Variants in PLCL2 observed in about 807,000 individuals in gnomAD.
The protein encoded by PLCL2 is phospholipase C like 2.
In PLCL2, 4 loss-of-function variants were observed where a neutral mutation model predicts 79.6. That is an observed-to-expected ratio of 0.05 (90% CI 0.02 to 0.11). The LOEUF is 0.11. Among genes scored for constraint, PLCL2 ranks in the 10% least tolerant of loss-of-function variants. The pLI is 1.00. For synonymous variants in PLCL2, 484 were observed against 457.7 expected (o/e 1.06, Z -0.73); for missense variants, 895 against 1,291.0 (o/e 0.69, Z 4.70).
In PLCL2 at chr3:17,023,021, G is replaced by A. The variant is rs116670634; in HGVS notation, c.3018+8110G>A. ...AAAGTGGCCAGTGGTTGCTTGGAGA[G>A]GGTGTGGTTGCAAACCCTTCTTTTT... is the stretch of plus-strand genomic sequence containing the variant. On this transcript the variant is annotated intron_variant, in intron 3 of 5. Coordinates refer to ENST00000615277, the MANE Select transcript of PLCL2 (RefSeq NM_001144382.2). Among the ~76,000 whole-genome samples, 903 of 152,250 alleles carry A rather than the reference G, an allele frequency of 5.9e-3. 12 individuals are homozygous for A. The highest frequency in any genetic ancestry group is 0.021 in the African/African-American group (864 of 41,526).
intron 1 of PLCL2, among the ~76,000 whole-genome samples, chr3:16,939,052 A>G (rs1697612359): frequency 1.3e-5 from 2 of 152,216 alleles, no homozygotes. Flanking sequence ...CTGTGAATCC[A>G]TGCTGTATGT....
chr3:16,892,424 G>T (rs186443470), intron 1 of PLCL2, among the ~76,000 whole-genome samples: 5 of 117,808 alleles, frequency 4.2e-5, no homozygotes, highest in African/African-American at 1.5e-4. Context: ...ATTATTGTTT[G>T]CTAAGGGATT....
In PLCL2 at chr3:16,892,681, A is replaced by G. The variant is rs373625791; in HGVS notation, c.327+7315A>G. On this transcript the variant is annotated intron_variant, in intron 1 of 5. Transcript: ENST00000615277. The stretch of plus-strand genomic sequence containing the variant: ...TCAGCATGTTTTGTCATGTAATGGT[A>G]GAAATTCTGCCCTTTGTTGCAGTGC... Among the ~76,000 whole-genome samples, 9 of 152,356 alleles carry G rather than the reference A, an allele frequency of 5.9e-5. 1 individual carries two copies. The highest frequency in any genetic ancestry group is 6.5e-5 in the Admixed American group (1 of 15,306).
chr3:17,064,901 C>A (rs185318079), intron 4 of PLCL2, among the ~76,000 whole-genome samples: 45 of 148,622 alleles, frequency 3.0e-4, no homozygotes, highest in Non-Finnish European at 5.0e-4. Context: ...TGCACCCTCA[C>A]CTGGGCAGCA....
At chr3:17,004,377 A>G (rs900239456) in intron 1 of PLCL2, among the ~76,000 whole-genome samples, 6 of 152,166 alleles carry the variant, frequency 3.9e-5, no homozygotes, top group African/African-American at 1.4e-4. Flanking sequence ...TTTGGAATAC[A>G]GAATACTGTA....
At chr3:16,994,899 C>T (rs555973172) in intron 1 of PLCL2, among the ~76,000 whole-genome samples, 4 of 152,200 alleles carry the variant, frequency 2.6e-5, no homozygotes, top group Admixed American at 6.5e-5. Context: ...ATACAGGCAT[C>T]GTGATGAGAT....
chr3:16,959,363 T>A (rs927449864), intron 1 of PLCL2, among the ~76,000 whole-genome samples: 1 of 152,232 alleles, frequency 6.6e-6, no homozygotes, highest in Non-Finnish European at 1.5e-5. Flanking sequence ...ATCTTTATTT[T>A]ACGAAATTCA....
intron 1 of PLCL2, among the ~76,000 whole-genome samples, chr3:16,925,862 T>C (rs182703663): frequency 9.2e-5 from 14 of 152,356 alleles, no homozygotes; most frequent in African/African-American, 3.4e-4. Flanking sequence ...TGTGGATGTA[T>C]ATTTTAATTT....
intron 1 of PLCL2, among the ~76,000 whole-genome samples, chr3:17,002,720 T>C (rs1416278580): frequency 6.6e-6 from 1 of 152,170 alleles, no homozygotes; most frequent in African/African-American, 2.4e-5. Flanking sequence ...TACAGGGACT[T>C]TGTTTTCACG....
At chr3:17,014,630 A>G in intron 2 of PLCL2, 78 bp from the exon 3 acceptor site, 1 of 1,102,852 alleles carries the variant, frequency 9.1e-7, no homozygotes, top group South Asian at 1.3e-5. Context: ...AAGCATAATC[A>G]GATATATCAA....
At chr3:16,892,980 G>C (rs1004235138) in intron 1 of PLCL2, among the ~76,000 whole-genome samples, 2 of 152,086 alleles carry the variant, frequency 1.3e-5, no homozygotes, top group African/African-American at 4.8e-5. Context: ...TCTCCTACTT[G>C]CCCAAGCCAT....
At chr3:16,888,843 C>T (rs1161118246) in intron 1 of PLCL2, among the ~76,000 whole-genome samples, 4 of 152,172 alleles carry the variant, frequency 2.6e-5, no homozygotes, top group Non-Finnish European at 5.9e-5. Context: ...TAGTTAAATA[C>T]TTTGGTTGAT....
chr3:17,005,848 A>G (rs2064255355), intron 1 of PLCL2, among the ~76,000 whole-genome samples: 1 of 152,142 alleles, frequency 6.6e-6, no homozygotes, highest in South Asian at 2.1e-4. Flanking sequence ...TGAGGTTACT[A>G]AGTTCTAATA....
intron 5 of PLCL2, among the ~76,000 whole-genome samples, chr3:17,080,594 TCGCCC>T (rs2065153144): frequency 6.6e-6 from 1 of 152,020 alleles, no homozygotes; most frequent in South Asian, 2.1e-4. Context: ...GGGATTACAG[TCGCCC>T]GCCACCATGC....
chr3:16,966,169 C>G (rs1348110854), intron 1 of PLCL2, among the ~76,000 whole-genome samples: 1 of 146,500 alleles, frequency 6.8e-6, no homozygotes, highest in Non-Finnish European at 1.5e-5. Context: ...ATAAATAGCT[C>G]TTATTATTTT....
intron 5 of PLCL2, among the ~76,000 whole-genome samples, chr3:17,069,291 A>G (rs1575614451): frequency 6.6e-6 from 1 of 152,316 alleles, no homozygotes; most frequent in South Asian, 2.1e-4. Flanking sequence ...TGGGAACTGA[A>G]TGGTCTGAGA....
At chr3:16,943,134 C>T (rs182896322) in intron 1 of PLCL2, among the ~76,000 whole-genome samples, 7 of 152,156 alleles carry the variant, frequency 4.6e-5, no homozygotes, top group Admixed American at 4.6e-4. Context: ...TTATTTTATA[C>T]TTCTGACACG....
At chr3:17,021,617 C>CACAT (rs2064454541) in intron 3 of PLCL2, among the ~76,000 whole-genome samples, 3 of 151,740 alleles carry the variant, frequency 2.0e-5, no homozygotes, top group Non-Finnish European at 4.4e-5. Flanking sequence ...CACACACACA[C>CACAT]ACACACACAC....
At chr3:16,922,042 T>G (rs1159629306) in intron 1 of PLCL2, among the ~76,000 whole-genome samples, 1 of 152,192 alleles carries the variant, frequency 6.6e-6, no homozygotes, top group African/African-American at 2.4e-5. Context: ...ACAAAAGCTA[T>G]TTTTAATCTA....
Sources: gnomAD v4.1 joint callset for allele counts (sites outside exome capture counted in the v4.1 genomes callset) on GRCh38, gnomAD v4.1.1 for gene constraint, MANE v1.5 for transcripts, NCBI Gene and HGNC (gene_info 2026-07-23, HGNC 2026-07-21) for gene names.